EVC2: variants seen among roughly 807,000 people sequenced by gnomAD.
EVC2 encodes the protein limbin.
Under a neutral mutation model 149.3 loss-of-function variants are expected in EVC2, and 148 were observed. The ratio of observed to expected loss-of-function variants is 0.99; its 90% CI spans 0.87 to 1.14. The LOEUF (loss-of-function observed/expected upper bound fraction) is 1.14. EVC2 is among the 50% of genes most tolerant of loss of function. EVC2 has a pLI of 0.00. For missense variants in EVC2, 1,854 were observed against 1,627.3 expected (o/e 1.14, Z -2.40); for synonymous variants, 776 against 649.9 (o/e 1.19, Z -2.95).
intron 16 of EVC2, among the ~76,000 whole-genome samples, chr4:5,597,797 A>G (rs1243797298): frequency 8.5e-6 from 1 of 117,202 alleles, no homozygotes; most frequent in Non-Finnish European, 1.8e-5. Context: ...TGCAGACGAC[A>G]TGATTGTATA....
rs139011983 is a variant in EVC2 at position 5,679,594 on chromosome 4, T to C, written c.870+1666A>G. ...AGGTTTCTTCAGTAATAAGTTAATC[T>C]TGGCTTACTGTAATTTTTTATTTTT... On this transcript the variant is annotated intron_variant, in intron 7 of 21. Coordinates refer to ENST00000344408, the MANE Select transcript of EVC2 (RefSeq NM_147127.5). This position sits in a 1 kb window ranked among gnomAD's most constrained non-coding sequence, Gnocchi z 5.1. Among the ~76,000 whole-genome samples, 99 of 152,304 alleles carry C rather than the reference T, an allele frequency of 6.5e-4. No individual in the cohort carries two copies. The highest frequency in any genetic ancestry group is 2.3e-3 in the African/African-American group (95 of 41,574).
At chr4:5,555,170 TAA>T (rs1721816908) in intron 21 of EVC2, among the ~76,000 whole-genome samples, 1 of 151,590 alleles carries the variant, frequency 6.6e-6, no homozygotes, top group African/African-American at 2.4e-5. Context: ...ATTGATATGT[TAA>T]GAGAGGAGAT....
At chr4:5,590,092 G>A (rs1412606353) in intron 16 of EVC2, among the ~76,000 whole-genome samples, 1 of 152,070 alleles carries the variant, frequency 6.6e-6, no homozygotes, top group Non-Finnish European at 1.5e-5. Context: ...CTGAGGCAGG[G>A]GGCCCTACAG....
chr4:5,674,221 G>T (rs772505988), intron 7 of EVC2, among the ~76,000 whole-genome samples: 1 of 152,098 alleles, frequency 6.6e-6, no homozygotes, highest in Non-Finnish European at 1.5e-5. Context: ...GTGAGATCTC[G>T]AAGATAATCA....
chr4:5,566,401 G>A (rs1328579961), intron 20 of EVC2, among the ~76,000 whole-genome samples: 2 of 152,194 alleles, frequency 1.3e-5, no homozygotes, highest in Non-Finnish European at 2.9e-5. Context: ...TCTGAAGGCA[G>A]CACCCGAGAG....
chr4:5,683,855 C>G (rs933116616), intron 6 of EVC2, among the ~76,000 whole-genome samples: 24 of 151,466 alleles, frequency 1.6e-4, no homozygotes. Flanking sequence ...CACACAGCTG[C>G]CCAGGAACAC....
chr4:5,704,869 C>CTATA (rs145021587), intron 1 of EVC2, among the ~76,000 whole-genome samples: 24,329 of 149,924 alleles, frequency 0.16, 2,073 homozygotes, highest in African/African-American at 0.24. Flanking sequence ...TCACACACAG[C>CTATA]TATATATATA....
chr4:5,574,713 G>A lies in EVC2; in HGVS notation c.3332C>T (p.Ala1111Val), dbSNP rs1217438048. The A allele has an allele frequency of 6.2e-7, 1 of 1,614,160 alleles. No individual in the cohort carries two copies. The highest frequency in any genetic ancestry group is 1.3e-5 in the African/African-American group (1 of 75,052). Residue 1111 changes from alanine to valine, a missense_variant, in exon 19 of 22, where the codon GCA (alanine) becomes GTA (valine). Physicochemically the swap from Ala to Val is moderately conservative, Grantham distance 64. Transcript: ENST00000344408. ...GCTGCACAGGGTTGCAAAGGTGTCT[G>A]CCTCCATGTTTTCCAACAAGTCTTC... Reference protein sequence around the residue: ...VLEDLLENMEADTFATLCSQE... With the variant: ...VLEDLLENMEVDTFATLCSQE...
chr4:5,604,799 A>G (rs1270392105), intron 16 of EVC2, among the ~76,000 whole-genome samples: 1 of 152,076 alleles, frequency 6.6e-6, no homozygotes, highest in Non-Finnish European at 1.5e-5. Flanking sequence ...ACAAAATATT[A>G]CCATGCATCC....
At position 5,622,386 on chromosome 4, in the gene EVC2, G is replaced by T. The variant is rs1715754065; in HGVS notation, c.2501+151C>A. The T allele has an allele frequency of 4.5e-6, 4 of 885,564 alleles. No individual in the cohort carries two copies. The African/African-American group carries it at 5.0e-5, about 11-fold the overall frequency. 54.9% of individuals were successfully genotyped at this position (885,564 alleles called of 1,614,324 possible). A position where few individuals can be genotyped will look rare whatever the true frequency, so the allele number is the denominator to read the frequency against. Reference sequence around the variant, plus strand: ...TGACATTCGAGGTCCTCCCCCCGGGGCGTTGAGTTTATATGACTAATTAAC... The same window carrying T: ...TGACATTCGAGGTCCTCCCCCCGGGTCGTTGAGTTTATATGACTAATTAAC... On this transcript the variant is annotated intron_variant, in intron 14 of 21. Coordinates refer to ENST00000344408, the MANE Select transcript of EVC2 (RefSeq NM_147127.5). This position sits in a 1 kb window ranked among gnomAD's most constrained non-coding sequence, Gnocchi z 5.8.
chr4:5,537,133 G>A, the EVC2 span, among the ~76,000 whole-genome samples: 2 of 152,196 alleles, frequency 1.3e-5, no homozygotes, highest in Non-Finnish European at 2.9e-5. Context: ...GAAAGATGAG[G>A]TGAGCCTAGA....
Position 5,632,297 on chromosome 4 carries a change from C to T in EVC2, c.1471-265G>A, listed in dbSNP as rs191963765. 1.9e-3 allele frequency among the ~76,000 whole-genome samples: 295 copies of T among 152,300 alleles called. 5 individuals carry two copies. The highest frequency in any genetic ancestry group is 6.2e-4 in the Non-Finnish European group (42 of 68,018). ...CACATGGGCACACACAGAACTTGCA[C>T]ACACACAAGGCACAAGTACATGTGC... is the stretch of plus-strand genomic sequence containing the variant. On this transcript the variant is annotated intron_variant, in intron 10 of 21. Transcript: ENST00000344408.
At position 5,615,490 on chromosome 4, in the gene EVC2, G is replaced by C; in HGVS notation, c.2761C>G (p.Leu921Val). 1.2e-6 allele frequency: 2 copies of C among 1,614,234 alleles called. No individual in the cohort carries two copies. Among genetic ancestry groups the C allele is most frequent in the Non-Finnish European group, 1.7e-6 (2 of 1,180,050 alleles). Residue 921 changes from leucine to valine, a missense_variant, in exon 16 of 22, where the codon CTG becomes GTG. By Grantham distance (32) the Leu-to-Val change is conservative. Transcript: ENST00000344408. ...ATTTTGTCTTCGATGCACTTCTTCA[G>C]AAGCTCTCCCTTGCTTTTACTCTTG... ...RSKSKSKGELLKKCIEDKIHL... is the reference protein window; with the variant it reads ...RSKSKSKGELVKKCIEDKIHL...
chr4:5,680,636 G>A (rs1720277629), intron 7 of EVC2, among the ~76,000 whole-genome samples: 2 of 152,190 alleles, frequency 1.3e-5, no homozygotes, highest in Admixed American at 6.5e-5. Context: ...ACTTTAATGT[G>A]CCTCGGTTTC....
chr4:5,643,503 T>A (rs1717489505), intron 9 of EVC2, among the ~76,000 whole-genome samples: 1 of 152,216 alleles, frequency 6.6e-6, no homozygotes, highest in Non-Finnish European at 1.5e-5. Flanking sequence ...CAAACTTATA[T>A]TAAATTTGCA....
Position 5,615,411 on chromosome 4 carries a change from G to T in EVC2, c.2829+11C>A. 4 of 1,614,196 alleles carry T rather than the reference G, an allele frequency of 2.5e-6. No individual in the cohort carries two copies. The highest frequency in any genetic ancestry group is 3.4e-6 in the Non-Finnish European group (4 of 1,180,016). On this transcript the variant is annotated intron_variant, in intron 16 of 21. Transcript: ENST00000344408. ...CAGAGAGAAACAGCTGGGTGAAGCAGATGTACTGACCTTTTCCACCAGGTC... is the reference window on the plus strand; with the variant it reads ...CAGAGAGAAACAGCTGGGTGAAGCATATGTACTGACCTTTTCCACCAGGTC...
At position 5,615,480 on chromosome 4, in the gene EVC2, C is replaced by A. The variant is rs899110894; in HGVS notation, c.2771G>T (p.Cys924Phe). 2 of 1,614,220 alleles carry A rather than the reference C, an allele frequency of 1.2e-6. No homozygotes were observed. The highest frequency in any genetic ancestry group is 1.1e-5 in the South Asian group (1 of 91,088). ...SKSKGELLKK[C>F]IEDKIHLCEE... ...ACAGAGGTGAATTTTGTCTTCGATG[C>A]ACTTCTTCAGAAGCTCTCCCTTGCT... is the stretch of plus-strand genomic sequence containing the variant. Residue 924 changes from cysteine to phenylalanine, a missense_variant, in exon 16 of 22, where the codon TGC becomes TTC. Physicochemically the swap from Cys to Phe is radical, Grantham distance 205. Coordinates refer to ENST00000344408, the MANE Select transcript of EVC2 (RefSeq NM_147127.5).
At position 5,584,709 on chromosome 4, in the gene EVC2, T is replaced by C; in HGVS notation, c.2971A>G (p.Ile991Val). Residue 991 changes from isoleucine to valine, a missense_variant, in exon 17 of 22, where the codon ATC (isoleucine) becomes GTC (valine). Physicochemically the swap from Ile to Val is conservative, Grantham distance 29 (BLOSUM62 3). Coordinates refer to ENST00000344408, the MANE Select transcript of EVC2 (RefSeq NM_147127.5). ...TLSAYTALLSIQDLLLEELSA... is the reference protein window; with the variant it reads ...TLSAYTALLSVQDLLLEELSA... ...AGCTCTTCCAGGAGCAAGTCCTGGA[T>C]GCTGAGGAGGGCGGTGTAGGCCGAC... 1 of 1,614,094 alleles carries C rather than the reference T, an allele frequency of 6.2e-7. No homozygotes were observed. Among genetic ancestry groups the C allele is most frequent in the South Asian group, 1.1e-5 (1 of 91,056 alleles).
chr4:5,664,918 T>C (rs1397359691), intron 8 of EVC2, among the ~76,000 whole-genome samples: 1 of 150,554 alleles, frequency 6.6e-6, no homozygotes, highest in Non-Finnish European at 1.5e-5. Context: ...ATGGGGTGCG[T>C]GTGGGTGACG....
Sources: allele counts gnomAD v4.1 joint callset (sites outside exome capture counted in the v4.1 genomes callset), GRCh38; gene constraint gnomAD v4.1.1; non-coding constraint Gnocchi (gnomAD v3.1); transcripts MANE v1.5; gene names NCBI Gene and HGNC (gene_info 2026-07-23, HGNC 2026-07-21).